Variants in SSR2 observed in about 807,000 individuals in gnomAD.
The protein encoded by SSR2 is translocon-associated protein subunit beta.
In SSR2, 16 loss-of-function variants were observed where a neutral mutation model predicts 22.6. The ratio of observed to expected loss-of-function variants is 0.71; its 90% confidence interval spans 0.48 to 1.08. The LOEUF (loss-of-function observed/expected upper bound fraction) is 1.08. Ranked by LOEUF, SSR2 falls within the 50% of genes least tolerant of loss-of-function variation. The pLI is 0.00. For missense variants in SSR2, 171 were observed against 221.6 expected (o/e 0.77, Z 1.45); for synonymous variants, 83 against 91.2 (o/e 0.91, Z 0.51).
At chr1:156,019,579 T>C (rs568718404) in intron 2 of SSR2, among the ~76,000 whole-genome samples, 101 of 152,186 alleles carry the variant, frequency 6.6e-4, no homozygotes, top group Non-Finnish European at 9.7e-4. Context: ...GTGACAGGGT[T>C]TTGCCATGTT....
At chr1:156,020,467 G>C (rs573387597) in intron 1 of SSR2, 4 of 335,180 alleles carry the variant, frequency 1.2e-5, no homozygotes, top group African/African-American at 8.5e-5. Context: ...GGCCAGAGCA[G>C]GGCTTCCTTG....
intron 3 of SSR2, among the ~76,000 whole-genome samples, chr1:156,017,153 C>T (rs1157684351): frequency 6.6e-6 from 1 of 152,138 alleles, no homozygotes; most frequent in South Asian, 2.1e-4. Flanking sequence ...CCCTAGCAAT[C>T]CTCTCACCTC....
At position 156,009,576 on chromosome 1, in the gene SSR2, C is replaced by A; in HGVS notation, c.516G>T (p.Lys172Asn). The change falls in exon 6 of 6, where the codon AAG becomes AAT. Residue 172 changes from lysine to asparagine, a missense_variant. By Grantham distance (94) the Lys-to-Asn change is moderately conservative. Coordinates refer to ENST00000295702, the MANE Select transcript of SSR2 (RefSeq NM_003145.4). ...GIPLLLWYSSKRKYDTPKTKK... is the reference protein window; with the variant it reads ...GIPLLLWYSSNRKYDTPKTKK... ...TCGTTTTGGGAGTGTCATATTTCCT[C>A]TTGCTGGAGTACCACAATAGCAGGG... 6.2e-7 allele frequency: 1 copy of A among 1,613,472 alleles called. No homozygotes were observed. The highest frequency in any genetic ancestry group is 8.5e-7 in the Non-Finnish European group (1 of 1,179,758).
At chr1:156,016,320 G>A (rs1034813353) in intron 3 of SSR2, among the ~76,000 whole-genome samples, 2 of 151,154 alleles carry the variant, frequency 1.3e-5, no homozygotes, top group African/African-American at 2.4e-5. Flanking sequence ...TGCAAGCTCC[G>A]CCTCCTGGGT....
intron 3 of SSR2, among the ~76,000 whole-genome samples, chr1:156,015,314 T>C (rs962258401): frequency 6.6e-6 from 1 of 151,458 alleles, no homozygotes; most frequent in Admixed American, 6.6e-5. Context: ...GAGAACAGCC[T>C]GGGCAACACG....
At chr1:156,015,178 C>A in intron 3 of SSR2, 109 bp from the exon 4 acceptor site, 1 of 785,550 alleles carries the variant, frequency 1.3e-6, no homozygotes, top group Non-Finnish European at 2.1e-6. Context: ...ACATGCTGAT[C>A]TCATGCCGGC....
chr1:156,010,804 A>G (rs575839821), intron 5 of SSR2: 3 of 152,216 alleles, frequency 2.0e-5, no homozygotes, highest in South Asian at 2.1e-4. Context: ...TTGATAAACT[A>G]CTTGCCATTC....
In SSR2 at chr1:156,016,245, T is replaced by G. The variant is rs112070504; in HGVS notation, c.255-1176A>C. ...AAGCTCACAGAAAATCTTTTTTTTT[T>G]GTTTTTTTTTGACAGTCTCGCTCCG... On this transcript the variant is annotated intron_variant, in intron 3 of 5. Coordinates refer to ENST00000295702, the MANE Select transcript of SSR2 (RefSeq NM_003145.4). Among the ~76,000 whole-genome samples, 1,244 of 152,114 alleles carry G rather than the reference T, an allele frequency of 8.2e-3. 20 individuals carry two copies. The highest frequency in any genetic ancestry group is 0.029 in the African/African-American group (1,200 of 41,456).
At chr1:156,019,881 A>G (rs1683122279) in intron 2 of SSR2, 132 bp downstream of exon 2, 1 of 946,982 alleles carries the variant, frequency 1.1e-6, no homozygotes, top group East Asian at 2.7e-5. Flanking sequence ...AAGTGTATTC[A>G]TTCACTCAAT....
intron 4 of SSR2, chr1:156,013,465 G>A (rs544522420): frequency 6.5e-6 from 1 of 153,548 alleles, no homozygotes; most frequent in East Asian, 1.9e-4. Context: ...AAAAAGAAAA[G>A]AATGAATAGC....
intron 1 of SSR2, 77 bp from the exon 2 acceptor site, chr1:156,020,244 T>C (rs760900867): frequency 3.9e-6 from 6 of 1,522,624 alleles, no homozygotes; most frequent in Non-Finnish European, 5.4e-6. Flanking sequence ...AGCGCTCCCG[T>C]AGAAAGCTCC....
Position 156,010,131 on chromosome 1 carries a change from G to A in SSR2, c.442-481C>T, listed in dbSNP as rs114916323. The A allele has an allele frequency of 7.8e-3, 1,196 of 153,384 alleles. 13 individuals are homozygous for A. The highest frequency in any genetic ancestry group is 0.028 in the African/African-American group (1,146 of 41,488). The allele number at this position is 153,384 out of a possible 1,614,324, so 9.5% of individuals were successfully genotyped here. A position where few individuals can be genotyped will look rare whatever the true frequency, so the allele number is the denominator to read the frequency against. Reference sequence around the variant, plus strand: ...TGGAGTGGCATGGTCACGGCTCACCGCAGCCTTGATCTCCTGGGCTTAAGT... The same window carrying A: ...TGGAGTGGCATGGTCACGGCTCACCACAGCCTTGATCTCCTGGGCTTAAGT... On this transcript the variant is annotated intron_variant, in intron 5 of 5. Coordinates refer to ENST00000295702, the MANE Select transcript of SSR2 (RefSeq NM_003145.4).
rs1222538124 is a variant in SSR2 at position 156,020,141 on chromosome 1, C to A, written c.27G>T (p.Leu9Phe). The A allele has an allele frequency of 6.2e-7, 1 of 1,614,030 alleles. No homozygotes were observed. Among genetic ancestry groups the A allele is most frequent in the East Asian group, 2.2e-5 (1 of 44,882 alleles). ...CTGCTTGAGTGACAGCAAATAGAGC[C>A]AACACCACAAATGACAGCAGCCTCA... MRLLSFVVLALFAVTQAEE... is the reference protein window; with the variant it reads MRLLSFVVFALFAVTQAEE... The change falls in exon 2 of 6, where the codon TTG (leucine) becomes TTT (phenylalanine). Residue 9 changes from leucine to phenylalanine, a missense_variant. Transcript: ENST00000295702.
chr1:156,012,766 G>T, intron 4 of SSR2: 1 of 297,858 alleles, frequency 3.4e-6, no homozygotes. Flanking sequence ...CACACATTTT[G>T]GCTTCATAAA....
chr1:156,016,360 A>T (rs1683055851), intron 3 of SSR2, among the ~76,000 whole-genome samples: 1 of 151,720 alleles, frequency 6.6e-6, no homozygotes, highest in African/African-American at 2.4e-5. Flanking sequence ...CAGCCTCCAG[A>T]GTAGCTGGAA....
At position 156,009,230 on chromosome 1, in the gene SSR2, T is replaced by A; in HGVS notation, c.*310A>T. On this transcript the variant is annotated 3_prime_UTR_variant, in exon 6 of 6. Transcript: ENST00000295702. ...CTCCAAAATGCCCCTCCTAGACCCCTGAGAGAATTCACGTTGCCAGCAATA... is the reference window on the plus strand; with the variant it reads ...CTCCAAAATGCCCCTCCTAGACCCCAGAGAGAATTCACGTTGCCAGCAATA... 3.4e-6 allele frequency: 1 copy of A among 294,408 alleles called. No homozygotes were observed. The highest frequency in any genetic ancestry group is 3.7e-5 in the South Asian group (1 of 27,156). 18.2% of individuals were successfully genotyped at this position (294,408 alleles called of 1,614,324 possible). A position where few individuals can be genotyped will look rare whatever the true frequency, so the allele number is the denominator to read the frequency against.
intron 3 of SSR2, among the ~76,000 whole-genome samples, chr1:156,017,729 T>C (rs1368011099): frequency 2.0e-5 from 3 of 146,756 alleles, no homozygotes; most frequent in Non-Finnish European, 4.5e-5. Flanking sequence ...CCCAGTATAG[T>C]ATGTTTCAGG....
chr1:156,014,586 G>T (rs770149399), intron 4 of SSR2: 5 of 171,602 alleles, frequency 2.9e-5, no homozygotes, highest in Non-Finnish European at 5.0e-5. Context: ...CTGTCGCCCA[G>T]GCTGAAGTGC....
At chr1:156,012,010 G>A (rs1425850328) in intron 4 of SSR2, 123 bp from the exon 5 acceptor site, 1 of 665,676 alleles carries the variant, frequency 1.5e-6, no homozygotes, top group African/African-American at 1.8e-5. Context: ...GTTCCCAAAG[G>A]CTCAGAAGAA....
Sources: allele counts gnomAD v4.1 joint callset (sites outside exome capture counted in the v4.1 genomes callset), GRCh38; gene constraint gnomAD v4.1.1; transcripts MANE v1.5; gene names NCBI Gene and HGNC (gene_info 2026-07-23, HGNC 2026-07-21).